Variants in COG4 observed in about 807,000 individuals in gnomAD.
The protein encoded by COG4 is conserved oligomeric Golgi complex subunit 4.
A neutral mutation model predicts 95.1 loss-of-function variants in COG4; 65 were observed. The observed-to-expected ratio is 0.68, with a 90% CI of 0.56 to 0.84. The LOEUF is 0.84. Among genes scored for constraint, COG4 ranks in the 40% least tolerant of loss-of-function variants. The pLI, the probability that COG4 is intolerant of heterozygous loss-of-function variation, is 0.00. For synonymous variants in COG4, 421 were observed against 374.8 expected, an observed-to-expected ratio of 1.12 and a Z score of -1.42; for missense variants, 1,045 against 989.1, an observed-to-expected ratio of 1.06 and a Z score of -0.76.
chr16:70,505,035 T>C (rs2049532528), intron 8 of COG4, among the ~76,000 whole-genome samples: 1 of 152,204 alleles, frequency 6.6e-6, no homozygotes, highest in African/African-American at 2.4e-5. Flanking sequence ...ATTACATATG[T>C]ATTAGCTATT....
intron 13 of COG4, among the ~76,000 whole-genome samples, chr16:70,488,764 C>T (rs1266200991): frequency 4.6e-5 from 7 of 151,344 alleles, no homozygotes; most frequent in Middle Eastern, 3.4e-3. Context: ...TTGGCCAGAC[C>T]GGTCTCGAAT....
chr16:70,484,417 T>A (rs1243234501), intron 13 of COG4, among the ~76,000 whole-genome samples: 1 of 152,186 alleles, frequency 6.6e-6, no homozygotes, highest in African/African-American at 2.4e-5. Context: ...ATTGCTATAG[T>A]TCCTCCTTTC....
chr16:70,490,108 G>A (rs1218619573), intron 13 of COG4, among the ~76,000 whole-genome samples: 2 of 152,126 alleles, frequency 1.3e-5, no homozygotes, highest in East Asian at 1.9e-4. Context: ...ATGTGCCACC[G>A]TGCCTTGCCT....
At chr16:70,501,942 G>C (rs898319537) in intron 8 of COG4, among the ~76,000 whole-genome samples, 62 of 151,930 alleles carry the variant, frequency 4.1e-4, no homozygotes, top group Admixed American at 6.6e-4. Context: ...GAAGTGCTGG[G>C]ATTACAGGCA....
chr16:70,514,925 G>A (rs1019567397), intron 3 of COG4, among the ~76,000 whole-genome samples: 1 of 151,788 alleles, frequency 6.6e-6, no homozygotes, highest in Non-Finnish European at 1.5e-5. Flanking sequence ...TGTTTCCCAG[G>A]CTGGTCTCAA....
chr16:70,484,439 T>A lies in COG4; in HGVS notation c.1711-470A>T, dbSNP rs141670807. Reference sequence around the variant, plus strand: ...TAGTTCCTCCTTTCCCCCCCTTTTATATTTATTTACTTCTTCTTAAATTTT... The same window carrying A: ...TAGTTCCTCCTTTCCCCCCCTTTTAAATTTATTTACTTCTTCTTAAATTTT... On this transcript the variant is annotated intron_variant, in intron 13 of 18. Coordinates refer to ENST00000323786, the MANE Select transcript of COG4 (RefSeq NM_015386.3). Among the ~76,000 whole-genome samples, 18 of 152,356 alleles carry A rather than the reference T, an allele frequency of 1.2e-4. No individual in the cohort carries two copies. In the East Asian group the frequency reaches 3.5e-3, roughly 29 times the overall value.
At chr16:70,517,530 G>A (rs1261428301) in intron 3 of COG4, 96 bp downstream of exon 3, 7 of 739,854 alleles carry the variant, frequency 9.5e-6, no homozygotes, top group African/African-American at 1.9e-5. Context: ...TGGGGCTGTA[G>A]TGAGCTGTCA....
At chr16:70,520,813 C>T (rs924167244) in intron 1 of COG4, among the ~76,000 whole-genome samples, 1 of 152,090 alleles carries the variant, frequency 6.6e-6, no homozygotes, top group Admixed American at 6.6e-5. Context: ...ATTTATGTAA[C>T]ATTTTTATGC....
rs886052261 is a variant in COG4 at position 70,514,491 on chromosome 16, T to C, written c.388A>G (p.Ile130Val). ...TCCAAGATGTCATCAGCTCTCTGAA[T>C]GGCCTGATAGAGGCGGTTCTGCAAA... is the stretch of plus-strand genomic sequence containing the variant. Reference protein sequence around the residue: ...DLAKNRLYQAIQRADDILDLK... With the variant: ...DLAKNRLYQAVQRADDILDLK... Residue 130 changes from isoleucine to valine, a missense_variant, in exon 4 of 19, where the codon ATT (isoleucine) becomes GTT (valine). Physicochemically the swap from Ile to Val is conservative, Grantham distance 29. Coordinates refer to ENST00000323786, the MANE Select transcript of COG4 (RefSeq NM_015386.3). The C allele has an allele frequency of 1.2e-6, 2 of 1,614,150 alleles. No homozygotes were observed. Among genetic ancestry groups the C allele is most frequent in the Non-Finnish European group, 8.5e-7 (1 of 1,180,028 alleles).
chr16:70,486,100 T>C (rs538383176), intron 13 of COG4, among the ~76,000 whole-genome samples: 17 of 151,754 alleles, frequency 1.1e-4, no homozygotes, highest in African/African-American at 1.9e-4. Context: ...TTTCACCGTG[T>C]TAGCCAGGAT....
intron 12 of COG4, among the ~76,000 whole-genome samples, chr16:70,491,382 G>A (rs777310117): frequency 3.8e-4 from 58 of 152,040 alleles, no homozygotes; most frequent in Non-Finnish European, 6.5e-4. Context: ...TTAGCCAGGC[G>A]TGGTGGTGCA....
rs777380616 is a variant in COG4, at chr16:70,512,189, TGCAG to T, written c.738+46_738+49del. 5.0e-5 allele frequency: 78 copies of T among 1,561,868 alleles called. 1 individual carries two copies. The South Asian group carries it at 8.7e-4, about 17-fold the overall frequency. On this transcript the variant is annotated intron_variant, in intron 5 of 18. Transcript: ENST00000323786. ...ACTGGATCCATCCAGTGCCCCAATC[TGCAG>T]GCAGACAGCCACACAATTATCCTGC...
rs751809847 is a variant in COG4, at chr16:70,481,453, G to A, written c.2141C>T (p.Ser714Leu). ...GGLQFDKELRSLIAYLTTVTT... is the reference protein window; with the variant it reads ...GGLQFDKELRLLIAYLTTVTT... ...CACCGTGGTAAGGTAGGCAATGAGC[G>A]ACCTCAGCTCCTTGTCAAACTGCAG... The change falls in exon 18 of 19, where the codon TCG becomes TTG. Residue 714 changes from serine to leucine, a missense_variant. Transcript: ENST00000323786. 6.8e-6 allele frequency: 11 copies of A among 1,612,792 alleles called. No individual in the cohort carries two copies. Among genetic ancestry groups the A allele is most frequent in the South Asian group, 1.1e-5 (1 of 91,082 alleles).
intron 3 of COG4, among the ~76,000 whole-genome samples, chr16:70,514,967 G>C (rs978162861): frequency 3.3e-5 from 5 of 150,672 alleles, no homozygotes; most frequent in Non-Finnish European, 7.4e-5. Flanking sequence ...GCCTGCCTTG[G>C]CTTCCCAAAG....
chr16:70,519,879 A>G, intron 1 of COG4, 148 bp from the exon 2 acceptor site: 1 of 704,242 alleles, frequency 1.4e-6, no homozygotes, highest in Non-Finnish European at 2.6e-6. Flanking sequence ...ACAATGCTTC[A>G]TTTTGCACTT....
rs752445461 is a variant in COG4, at chr16:70,481,046, G to C, written c.2334C>G (p.Asp778Glu). The part of the protein sequence containing the change: ...EVRQVLALRI[D>E]FRSEDIKRLR... Reference sequence around the variant, plus strand: ...GCCTCTTGATATCTTCACTGCGGAAGTCTATCCGCAGGGCCAGCACCTGGC... The same window carrying C: ...GCCTCTTGATATCTTCACTGCGGAACTCTATCCGCAGGGCCAGCACCTGGC... The change falls in exon 19 of 19, where the codon GAC (aspartate) becomes GAG (glutamate). Residue 778 changes from aspartate to glutamate, a missense_variant. Physicochemically the swap from Asp to Glu is conservative, Grantham distance 45 (BLOSUM62 2). Coordinates refer to ENST00000323786, the MANE Select transcript of COG4 (RefSeq NM_015386.3). 5 of 1,613,262 alleles carry C rather than the reference G, an allele frequency of 3.1e-6. No homozygotes were observed. Among genetic ancestry groups the C allele is most frequent in the African/African-American group, 1.3e-5 (1 of 75,054 alleles).
rs2048987202 is a variant in COG4 at position 70,481,346 on chromosome 16, G to A, written c.2235+13C>T. 6.2e-7 allele frequency: 1 copy of A among 1,612,078 alleles called. No homozygotes were observed. Among genetic ancestry groups the A allele is most frequent in the Non-Finnish European group, 8.5e-7 (1 of 1,179,966 alleles). ...TCACCCCTCCCTGGCTGGGCCAAGG[G>A]TGCCCCACCTACCCGCTCCAGATTG... On this transcript the variant is annotated intron_variant, in intron 18 of 18. Transcript: ENST00000323786.
In COG4 at chr16:70,519,693, C is replaced by T. The variant is rs1229140338; in HGVS notation, c.210G>A (p.Gln70=). The change falls in exon 2 of 19, where the codon CAG becomes CAA. Residue 70 remains glutamine, a synonymous_variant. Coordinates refer to ENST00000323786, the MANE Select transcript of COG4 (RefSeq NM_015386.3). ...CCATCTTACTTTCAATGGTGTTTTG[C>T]TGTTCCAAAAGAGCATCCAGCTCTC... ...VERELDALLE[Q]QNTIESKMVT... 1 of 1,613,914 alleles carries T rather than the reference C, an allele frequency of 6.2e-7. No individual in the cohort carries two copies. Among genetic ancestry groups the T allele is most frequent in the Non-Finnish European group, 8.5e-7 (1 of 1,179,906 alleles).
Position 70,516,607 on chromosome 16 carries a change from C to G in COG4, c.369+1019G>C, listed in dbSNP as rs562824442. 2.0e-5 allele frequency among the ~76,000 whole-genome samples: 3 copies of G among 152,068 alleles called. No homozygotes were observed. In the East Asian group the frequency reaches 5.8e-4, roughly 29 times the overall value. On this transcript the variant is annotated intron_variant, in intron 3 of 18. Transcript: ENST00000323786. ...CACCGCGCCCAGCCTTGTTGAGTAC[C>G]TTTATGTCTATATTCATAAGAGCTA...
Sources: gnomAD v4.1 joint callset for allele counts (sites outside exome capture counted in the v4.1 genomes callset) on GRCh38, gnomAD v4.1.1 for gene constraint, MANE v1.5 for transcripts, NCBI Gene and HGNC (gene_info 2026-07-23, HGNC 2026-07-21) for gene names.